The following PDE4D variants were observed in gnomAD, a reference collection of about 807,000 sequenced individuals.
PDE4D encodes the protein 3',5'-cyclic-AMP phosphodiesterase 4D.
PDE4D carries 24 observed loss-of-function variants against 87.4 expected under a neutral mutation model. That is an observed-to-expected ratio of 0.27 (90% CI 0.20 to 0.39). PDE4D has a LOEUF of 0.39. Ranked by LOEUF, PDE4D falls within the 10% of genes least tolerant of loss-of-function variation. The pLI, the probability that PDE4D is intolerant of heterozygous loss-of-function variation, is 1.00. For missense variants in PDE4D, 714 were observed against 1,041.0 expected (o/e 0.69, Z 4.32); for synonymous variants, 384 against 383.2 (o/e 1.00, Z -0.02).
chr5:60,424,898 TAGAG>T (rs1032712173), intron 1 of PDE4D, among the ~76,000 whole-genome samples: 9 of 151,970 alleles, frequency 5.9e-5, no homozygotes, highest in East Asian at 1.9e-4. Flanking sequence ...AACAGACAAA[TAGAG>T]AGCCAAATCA....
intron 1 of PDE4D, among the ~76,000 whole-genome samples, chr5:59,246,499 T>C (rs1191434587): frequency 3.9e-5 from 6 of 152,166 alleles, no homozygotes; most frequent in African/African-American, 1.2e-4. Context: ...CCGTCTCTTA[T>C]TTAATAATAG....
chr5:59,772,203 A>G (rs536500219), intron 1 of PDE4D, among the ~76,000 whole-genome samples: 1 of 152,264 alleles, frequency 6.6e-6, no homozygotes, highest in South Asian at 2.1e-4. Flanking sequence ...CAGACTGGCA[A>G]TTTTTTCTTA....
chr5:59,169,915 G>A (rs1220137785), intron 5 of PDE4D, among the ~76,000 whole-genome samples: 1 of 152,128 alleles, frequency 6.6e-6, no homozygotes, highest in Non-Finnish European at 1.5e-5. Flanking sequence ...AAGCCCTTGG[G>A]GATTCCTTTG....
At chr5:60,466,747 A>T (rs1265662715) in intron 1 of PDE4D, among the ~76,000 whole-genome samples, 1 of 152,040 alleles carries the variant, frequency 6.6e-6, no homozygotes, top group Non-Finnish European at 1.5e-5. Context: ...AAGATCTGCC[A>T]GTCTCAAATT....
At chr5:59,191,247 T>C (rs974246023) in intron 3 of PDE4D, among the ~76,000 whole-genome samples, 2 of 152,120 alleles carry the variant, frequency 1.3e-5, no homozygotes, top group Non-Finnish European at 2.9e-5. Context: ...GGTAAAAGAC[T>C]AGATTTCCTT....
intron 5 of PDE4D, among the ~76,000 whole-genome samples, chr5:59,109,609 G>A (rs144768219): frequency 4.7e-4 from 71 of 152,302 alleles, no homozygotes; most frequent in African/African-American, 1.6e-3. Context: ...GCTGGCTTTA[G>A]GGGCTGGTGC....
At chr5:60,125,099 T>A (rs1230880524) in intron 2 of PDE4D, among the ~76,000 whole-genome samples, 1 of 152,158 alleles carries the variant, frequency 6.6e-6, no homozygotes, top group Non-Finnish European at 1.5e-5. Flanking sequence ...AGTTTTAAAA[T>A]CATCAATACC....
At chr5:60,044,229 T>C (rs1011820584) in intron 2 of PDE4D, among the ~76,000 whole-genome samples, 1 of 152,164 alleles carries the variant, frequency 6.6e-6, no homozygotes, top group African/African-American at 2.4e-5. Context: ...AAGATTATTA[T>C]ATATTGTATG....
chr5:59,649,383 T>C (rs541361528), intron 1 of PDE4D, among the ~76,000 whole-genome samples: 1 of 152,188 alleles, frequency 6.6e-6, no homozygotes, highest in Non-Finnish European at 1.5e-5. Flanking sequence ...GGGAGGAATC[T>C]TGGGTGATAA....
At chr5:58,976,587 A>G (rs1743854019) in intron 12 of PDE4D, 115 bp from the exon 13 acceptor site, 1 of 838,388 alleles carries the variant, frequency 1.2e-6, no homozygotes, top group Non-Finnish European at 1.8e-6. Flanking sequence ...TTTTAATGAC[A>G]GTGGAAAATC....
At chr5:60,452,304 A>G (rs1160003084) in intron 1 of PDE4D, among the ~76,000 whole-genome samples, 1 of 152,140 alleles carries the variant, frequency 6.6e-6, no homozygotes, top group Non-Finnish European at 1.5e-5. Context: ...AATGTAATTG[A>G]TCACATTGAA....
At chr5:60,490,045 C>T (rs1749444851), upstream of PDE4D, 1 of 152,346 alleles carries the variant, frequency 6.6e-6, no homozygotes, top group Non-Finnish European at 1.5e-5. Flanking sequence ...CAAGTGGAAG[C>T]TTTCACAGCT....
intron 2 of PDE4D, among the ~76,000 whole-genome samples, chr5:60,108,180 T>C (rs1182353122): frequency 2.6e-5 from 4 of 151,652 alleles, no homozygotes; most frequent in Admixed American, 6.6e-5. Context: ...ACAAAATCAA[T>C]GTACAAAAAT....
chr5:59,011,142 G>A (rs1299821008), intron 6 of PDE4D, among the ~76,000 whole-genome samples: 1 of 152,056 alleles, frequency 6.6e-6, no homozygotes, highest in Non-Finnish European at 1.5e-5. Context: ...CCATATGTAC[G>A]TCACCATCAT....
At chr5:59,384,249 C>T (rs1786510744) in intron 1 of PDE4D, among the ~76,000 whole-genome samples, 1 of 152,092 alleles carries the variant, frequency 6.6e-6, no homozygotes, top group South Asian at 2.1e-4. Flanking sequence ...GAAATTGAGG[C>T]AACCATTAGC....
At chr5:60,237,796 A>G (rs1414347872) in intron 1 of PDE4D, among the ~76,000 whole-genome samples, 2 of 152,100 alleles carry the variant, frequency 1.3e-5, no homozygotes, top group African/African-American at 4.8e-5. Context: ...TAATAACTAT[A>G]GTAATGCAAG....
intron 5 of PDE4D, among the ~76,000 whole-genome samples, chr5:59,139,701 A>G (rs965518259): frequency 5.3e-5 from 8 of 151,732 alleles, no homozygotes; most frequent in African/African-American, 1.9e-4. Context: ...GCTGGTCTCA[A>G]ACTCCTGGGC....
intron 1 of PDE4D, among the ~76,000 whole-genome samples, chr5:59,378,594 G>T (rs1405801677): frequency 1.3e-5 from 2 of 152,118 alleles, no homozygotes; most frequent in East Asian, 3.9e-4. Context: ...TTGTGTCTTT[G>T]CTTATACTAT....
At chr5:59,361,914 T>C (rs75706346) in intron 1 of PDE4D, among the ~76,000 whole-genome samples, 7,737 of 152,258 alleles carry the variant, frequency 0.051, 291 homozygotes, top group South Asian at 0.16. Flanking sequence ...GTAGGGCTTA[T>C]TTAGTTTCTT....
Sources: allele counts gnomAD v4.1 joint callset (sites outside exome capture counted in the v4.1 genomes callset), GRCh38; gene constraint gnomAD v4.1.1; transcripts MANE v1.5; gene names NCBI Gene and HGNC (gene_info 2026-07-23, HGNC 2026-07-21).